LRRC74B: variants seen among roughly 807,000 people sequenced by gnomAD.
LRRC74B encodes the protein leucine-rich repeat-containing protein 74B.
A neutral mutation model predicts 16.6 loss-of-function variants in LRRC74B; 30 were observed. The observed-to-expected ratio is 1.80, with a 90% CI of 1.35 to 2.45. The LOEUF (loss-of-function observed/expected upper bound fraction) is 2.45. Among genes scored for constraint, LRRC74B ranks in the 30% most tolerant of loss-of-function variants. LRRC74B has a pLI of 0.00. For missense variants in LRRC74B, 326 were observed against 202.4 expected, an observed-to-expected ratio of 1.61 and a Z score of -3.71; for synonymous variants, 134 against 86.0, an observed-to-expected ratio of 1.56 and a Z score of -3.09.
downstream of LRRC74B, chr22:21,061,720 C>G (rs371741019): frequency 5.9e-5 from 9 of 152,168 alleles, no homozygotes; most frequent in South Asian, 6.2e-4. Flanking sequence ...ATTTCCATTC[C>G]TAGGTATATA....
chr22:21,051,179 T>C (rs1273219179), intron 4 of LRRC74B, among the ~76,000 whole-genome samples: 3 of 152,030 alleles, frequency 2.0e-5, no homozygotes, highest in Non-Finnish European at 4.4e-5. Context: ...CTTTCTTTCC[T>C]CTTTAGTGCC....
At chr22:21,050,490 G>A (rs1373610966) in intron 4 of LRRC74B, among the ~76,000 whole-genome samples, 2 of 151,954 alleles carry the variant, frequency 1.3e-5, no homozygotes, top group Admixed American at 1.3e-4. Context: ...GTGAAATTAA[G>A]TGAGGTGGCC....
At position 21,052,064 on chromosome 22, in the gene LRRC74B, C is replaced by T. The variant is rs76460419; in HGVS notation, c.623-185C>T. 5.9e-3 allele frequency among the ~76,000 whole-genome samples: 892 copies of T among 152,314 alleles called. 4 individuals are homozygous for T. Among genetic ancestry groups the T allele is most frequent in the South Asian group, 0.016 (76 of 4,832 alleles). ...TTTAGTCTAAATGAATAGCTCACAT[C>T]CCATACATTTGCATTTGTATCTCCC... On this transcript the variant is annotated intron_variant, in intron 4 of 8. Transcript: ENST00000442047.
At chr22:21,060,172 A>G (rs1930741574) in intron 8 of LRRC74B, among the ~76,000 whole-genome samples, 2 of 152,092 alleles carry the variant, frequency 1.3e-5, no homozygotes, top group African/African-American at 4.8e-5. Context: ...CCATTTCTAA[A>G]TAAATAAATA....
At chr22:21,060,509 C>T (rs1601825148) in exon 9 of LRRC74B, 6 of 714,026 alleles carry the variant, frequency 8.4e-6, no homozygotes, top group African/African-American at 3.5e-5. Context: ...TCAGCCCTGC[C>T]AGCGTCTGTC....
At chr22:21,048,492 A>G (rs1456646359) in intron 3 of LRRC74B, 1 of 253,546 alleles carries the variant, frequency 3.9e-6, no homozygotes, top group African/African-American at 2.2e-5. Flanking sequence ...GGCCCCCAAA[A>G]TACCTTATGG....
intron 2 of LRRC74B, 81 bp from the exon 3 acceptor site, chr22:21,047,803 C>T (rs1229758061): frequency 2.6e-5 from 18 of 687,694 alleles, no homozygotes; most frequent in Non-Finnish European, 4.6e-5. Context: ...GGAGGGCTTT[C>T]CAGCTGGAGG....
chr22:21,049,199 T>A, intron 4 of LRRC74B, 42 bp downstream of exon 4: 1 of 692,910 alleles, frequency 1.4e-6, no homozygotes, highest in Non-Finnish European at 2.7e-6. Flanking sequence ...AAGCTCAGCT[T>A]CCTGGGGCAG....
intron 1 of LRRC74B, 91 bp from the exon 2 acceptor site, chr22:21,047,265 A>G: frequency 3.1e-6 from 2 of 638,258 alleles, no homozygotes; most frequent in Non-Finnish European, 5.8e-6. Flanking sequence ...TCTAGAGGCA[A>G]AACATAGGCC....
intron 4 of LRRC74B, among the ~76,000 whole-genome samples, chr22:21,050,121 C>T (rs1486485940): frequency 1.3e-5 from 2 of 152,136 alleles, no homozygotes; most frequent in African/African-American, 4.8e-5. Flanking sequence ...ACTGCAGCCT[C>T]TGCCTCCCAG....
downstream of LRRC74B, chr22:21,062,558 C>CA (rs1930857321): frequency 6.6e-6 from 1 of 150,446 alleles, no homozygotes; most frequent in Non-Finnish European, 1.5e-5. Flanking sequence ...ACCAAAAATA[C>CA]AAAAATTAGC....
chr22:21,054,618 G>A (rs1930339125), intron 6 of LRRC74B, among the ~76,000 whole-genome samples: 1 of 152,248 alleles, frequency 6.6e-6, no homozygotes, highest in Non-Finnish European at 1.5e-5. Context: ...CAGCCGCGGA[G>A]GCTGAATACG....
At chr22:21,061,046 G>A (rs1930784069), downstream of LRRC74B, among the ~76,000 whole-genome samples, 1 of 152,134 alleles carries the variant, frequency 6.6e-6, no homozygotes, top group Admixed American at 6.6e-5. Flanking sequence ...ATGCTCATGG[G>A]GCCGGACGCG....
intron 8 of LRRC74B, among the ~76,000 whole-genome samples, chr22:21,057,590 G>A (rs1041713491): frequency 2.7e-5 from 4 of 148,022 alleles, no homozygotes; most frequent in Non-Finnish European, 4.5e-5. Context: ...GAGTGGCTGT[G>A]AGAGAGATTA....
chr22:21,052,390 C>A, intron 5 of LRRC74B, 32 bp downstream of exon 5: 1 of 716,836 alleles, frequency 1.4e-6, no homozygotes, highest in South Asian at 1.5e-5. Context: ...GGCCCTACAG[C>A]CTGTCTGCTG....
exon 7 of LRRC74B, chr22:21,055,116 G>T (rs202124562): frequency 4.9e-4 from 355 of 717,212 alleles, no homozygotes; most frequent in Non-Finnish European, 8.6e-4. Flanking sequence ...GCATCTCTGC[G>T]ATGGGAGCCC....
intron 6 of LRRC74B, among the ~76,000 whole-genome samples, chr22:21,054,165 G>A (rs1330118318): frequency 6.6e-6 from 1 of 152,142 alleles, no homozygotes; most frequent in Non-Finnish European, 1.5e-5. Flanking sequence ...ATCTCTATGC[G>A]AAATCTAAAA....
chr22:21,050,956 G>A (rs939334156), intron 4 of LRRC74B, among the ~76,000 whole-genome samples: 62 of 130,584 alleles, frequency 4.7e-4, no homozygotes, highest in Admixed American at 6.7e-4. Context: ...AATTAGCCCC[G>A]GGCAACAGAG....
intron 4 of LRRC74B, 34 bp from the exon 5 acceptor site, chr22:21,052,215 G>A: frequency 9.8e-6 from 7 of 717,326 alleles, no homozygotes; most frequent in African/African-American, 5.2e-5. Flanking sequence ...AGTGAAGAGA[G>A]TGAGTCAGAA....
Sources: allele counts gnomAD v4.1 joint callset (sites outside exome capture counted in the v4.1 genomes callset), GRCh38; gene constraint gnomAD v4.1.1; transcripts MANE v1.5; gene names NCBI Gene and HGNC (gene_info 2026-07-23, HGNC 2026-07-21).